Variants in MYCBP2 observed in about 807,000 individuals in gnomAD.
MYCBP2 encodes the protein MYC binding protein 2.
In MYCBP2, 120 loss-of-function variants were observed where a neutral mutation model predicts 525.3. The observed-to-expected ratio is 0.23, with a 90% CI of 0.20 to 0.27. The LOEUF (loss-of-function observed/expected upper bound fraction) is 0.27. Among genes scored for constraint, MYCBP2 ranks in the 10% least tolerant of loss-of-function variants. MYCBP2 has a pLI of 1.00. For missense variants in MYCBP2, 4,149 were observed against 5,657.1 expected (o/e 0.73, Z 8.55); for synonymous variants, 1,894 against 1,955.8 (o/e 0.97, Z 0.83).
chr13:77,091,421 CTTT>C (rs1029273820), intron 59 of MYCBP2, among the ~76,000 whole-genome samples: 8 of 149,128 alleles, frequency 5.4e-5, no homozygotes, highest in Non-Finnish European at 1.2e-4. Flanking sequence ...TAAAAAGTGA[CTTT>C]TTACCAAAAA....
chr13:77,230,259 G>A (rs1255919840), intron 18 of MYCBP2, among the ~76,000 whole-genome samples: 1 of 152,026 alleles, frequency 6.6e-6, no homozygotes, highest in Non-Finnish European at 1.5e-5. Context: ...TCACAAAAAA[G>A]TCACAGTCTA....
intron 52 of MYCBP2, among the ~76,000 whole-genome samples, chr13:77,130,962 T>G (rs954657071): frequency 6.6e-6 from 1 of 152,214 alleles, no homozygotes; most frequent in African/African-American, 2.4e-5. Flanking sequence ...AAGTGCTTTC[T>G]CAGTCAACAA....
chr13:77,264,971 A>G (rs1009429488), intron 8 of MYCBP2, among the ~76,000 whole-genome samples: 1 of 152,122 alleles, frequency 6.6e-6, no homozygotes, highest in Non-Finnish European at 1.5e-5. Flanking sequence ...TTTCATTTCT[A>G]GTTGCACCTG....
intron 8 of MYCBP2, 84 bp downstream of exon 8, chr13:77,267,757 A>G: frequency 9.4e-7 from 1 of 1,065,168 alleles, no homozygotes. Flanking sequence ...ATCCCTTGCT[A>G]ATCATTCTTT....
At chr13:77,209,222 A>G (rs1448016734) in intron 23 of MYCBP2, among the ~76,000 whole-genome samples, 1 of 152,208 alleles carries the variant, frequency 6.6e-6, no homozygotes, top group Non-Finnish European at 1.5e-5. Flanking sequence ...GGAAAAGACA[A>G]GGTTCAACCA....
chr13:77,050,013 T>C (rs1346956024), intron 82 of MYCBP2, among the ~76,000 whole-genome samples: 1 of 152,138 alleles, frequency 6.6e-6, no homozygotes, highest in Non-Finnish European at 1.5e-5. Flanking sequence ...CCTCACTCTT[T>C]TTTTTTTTTA....
At chr13:77,270,213 G>T in intron 6 of MYCBP2, 83 bp downstream of exon 6, 1 of 1,484,694 alleles carries the variant, frequency 6.7e-7, no homozygotes, top group Non-Finnish European at 9.0e-7. Context: ...TCATATTCTA[G>T]AAATGAAACT....
Position 77,176,543 on chromosome 13 carries a change from G to A in MYCBP2, c.5426C>T (p.Pro1809Leu). ...VKGTYTTDDS[P>L]SDIAEIRLDK... ...AAGTCTGATCTCAGCTATATCACTG[G>A]GTGAGTCATCCGTTGTGTACGTTCC... The change falls in exon 36 of 83, where the codon CCC (proline) becomes CTC (leucine). Residue 1809 changes from proline to leucine, a missense_variant. Pro to Leu is a moderately conservative substitution (Grantham distance 98). Around this residue, in one of 21 missense-constraint regions of MYCBP2, gnomAD observed 109 missense variants for 118.9 expected, o/e 0.92. Transcript: ENST00000544440. The A allele has an allele frequency of 6.3e-7, 1 of 1,598,566 alleles. No homozygotes were observed. The highest frequency in any genetic ancestry group is 8.5e-7 in the Non-Finnish European group (1 of 1,170,084).
At chr13:77,279,723 C>T (rs1594604052) in intron 3 of MYCBP2, among the ~76,000 whole-genome samples, 1 of 152,110 alleles carries the variant, frequency 6.6e-6, no homozygotes, top group East Asian at 1.9e-4. Flanking sequence ...ACATAAATAC[C>T]TCCTAAGCAC....
At chr13:77,145,594 T>G (rs1007861892) in intron 48 of MYCBP2, among the ~76,000 whole-genome samples, 2 of 152,174 alleles carry the variant, frequency 1.3e-5, no homozygotes, top group Non-Finnish European at 2.9e-5. Context: ...TCAGATTCAC[T>G]TCAGAGATTT....
chr13:77,151,768 A>C (rs1451301846), intron 46 of MYCBP2, among the ~76,000 whole-genome samples: 1 of 152,218 alleles, frequency 6.6e-6, no homozygotes, highest in Non-Finnish European at 1.5e-5. Flanking sequence ...CTACTATTTC[A>C]TCTACTAACT....
intron 40 of MYCBP2, among the ~76,000 whole-genome samples, chr13:77,167,689 G>T (rs542658282): frequency 8.5e-5 from 13 of 152,246 alleles, no homozygotes; most frequent in African/African-American, 3.1e-4. Flanking sequence ...ATATTTTGGA[G>T]ACATTGTATC....
At chr13:77,169,562 T>A (rs898875363) in intron 39 of MYCBP2, 52 bp downstream of exon 39, 56 of 1,500,164 alleles carry the variant, frequency 3.7e-5, no homozygotes, top group Non-Finnish European at 4.3e-5. Context: ...AGTCTTTTTT[T>A]AAAAAAGATA....
At chr13:77,286,793 T>C (rs866172527) in intron 3 of MYCBP2, among the ~76,000 whole-genome samples, 1 of 95,640 alleles carries the variant, frequency 1.0e-5, no homozygotes, top group Non-Finnish European at 1.9e-5. Flanking sequence ...AAAAAAAATA[T>C]ATATATATAT....
At position 77,156,179 on chromosome 13, in the gene MYCBP2, G is replaced by A. The variant is rs772436449; in HGVS notation, c.6794C>T (p.Ala2265Val). 5 of 1,613,224 alleles carry A rather than the reference G, an allele frequency of 3.1e-6. No individual in the cohort carries two copies. Among genetic ancestry groups the A allele is most frequent in the Middle Eastern group, 1.7e-4 (1 of 6,038 alleles). The change falls in exon 46 of 83, where the codon GCG becomes GTG. Residue 2265 changes from alanine (A) to valine (V), a missense_variant. Ala to Val is a moderately conservative substitution (Grantham distance 64). Transcript: ENST00000544440. The part of the protein sequence containing the change: ...LARWLQPDSY[A>V]DPQKTSLILN... Reference sequence around the variant, plus strand: ...GATCAAAGATGTTTTCTGAGGATCCGCATATGAATCTGGCTGAAGCCACCT... The same window carrying A: ...GATCAAAGATGTTTTCTGAGGATCCACATATGAATCTGGCTGAAGCCACCT...
chr13:77,165,130 C>T (rs1595052195), intron 42 of MYCBP2, 143 bp downstream of exon 42: 1 of 651,536 alleles, frequency 1.5e-6, no homozygotes. Flanking sequence ...CAAAGTGCTG[C>T]AATTACAGGT....
chr13:77,126,769 C>T (rs948906276), intron 52 of MYCBP2, among the ~76,000 whole-genome samples: 2 of 151,952 alleles, frequency 1.3e-5, no homozygotes, highest in African/African-American at 4.8e-5. Flanking sequence ...AGCAGGAAAC[C>T]AGTCAACCTC....
Position 77,088,986 on chromosome 13 carries a change from C to T in MYCBP2, c.10571G>A (p.Arg3524Gln). Residue 3524 changes from arginine to glutamine, a missense_variant, in exon 61 of 83, where the codon CGG (arginine) becomes CAG (glutamine). Transcript: ENST00000544440. ...AAGAGAGCTGTGGGCTGAGATTAGCCGAGAAAGCTCAGGAGACGGATGTCT... is the reference window on the plus strand; with the variant it reads ...AAGAGAGCTGTGGGCTGAGATTAGCTGAGAAAGCTCAGGAGACGGATGTCT... ...LLRHPSPELSRLISAHSSLSK... is the reference protein window; with the variant it reads ...LLRHPSPELSQLISAHSSLSK... The T allele has an allele frequency of 6.2e-7, 1 of 1,612,786 alleles. No individual in the cohort carries two copies. The highest frequency in any genetic ancestry group is 8.5e-7 in the Non-Finnish European group (1 of 1,179,322).
chr13:77,131,487 AACAC>A (rs369448891), intron 52 of MYCBP2, among the ~76,000 whole-genome samples: 5 of 136,122 alleles, frequency 3.7e-5, no homozygotes, highest in African/African-American at 1.1e-4. Flanking sequence ...CTTCATCTCA[AACAC>A]ACACACACAC....
Sources: allele counts gnomAD v4.1 joint callset (sites outside exome capture counted in the v4.1 genomes callset), GRCh38; gene constraint gnomAD v4.1.1; regional missense constraint gnomAD v4.1.1; transcripts MANE v1.5; gene names NCBI Gene and HGNC (gene_info 2026-07-23, HGNC 2026-07-21).